The following SLC35D1 variants were observed in gnomAD, a reference collection of about 807,000 sequenced individuals.
SLC35D1 encodes solute carrier family 35 member D1.
In SLC35D1, 31 loss-of-function variants were observed where a neutral mutation model predicts 46.7. The observed-to-expected ratio is 0.66, with a 90% CI of 0.50 to 0.90. SLC35D1 has a LOEUF of 0.90. Ranked by LOEUF, SLC35D1 falls within the 40% of genes least tolerant of loss-of-function variation. SLC35D1 has a pLI of 0.00. For missense variants in SLC35D1, 397 were observed against 426.2 expected, an observed-to-expected ratio of 0.93 and a Z score of 0.60; for synonymous variants, 195 against 164.6, an observed-to-expected ratio of 1.18 and a Z score of -1.41.
intron 7 of SLC35D1, among the ~76,000 whole-genome samples, chr1:67,043,207 C>A (rs1184156233): frequency 4.4e-5 from 6 of 137,226 alleles, no homozygotes; most frequent in Non-Finnish European, 8.1e-5. Flanking sequence ...AAAAAAAAAA[C>A]AAAAAAACCT....
intron 8 of SLC35D1, among the ~76,000 whole-genome samples, chr1:67,023,646 C>T (rs1025262903): frequency 1.3e-5 from 2 of 151,820 alleles, no homozygotes; most frequent in East Asian, 1.9e-4. Context: ...CCACCACACC[C>T]GGCTAATTTT....
At chr1:67,043,261 G>A (rs551320213) in intron 7 of SLC35D1, among the ~76,000 whole-genome samples, 1 of 152,258 alleles carries the variant, frequency 6.6e-6, no homozygotes, top group South Asian at 2.1e-4. Flanking sequence ...AGCTACTGGG[G>A]AGGCTGATGT....
In SLC35D1 at chr1:67,004,386, G is replaced by T. The variant is rs1667403423; in HGVS notation, c.1022C>A (p.Ser341Ter). 2 of 1,613,932 alleles carry T rather than the reference G, an allele frequency of 1.2e-6. No homozygotes were observed. The highest frequency in any genetic ancestry group is 1.7e-6 in the Non-Finnish European group (2 of 1,179,976). Reference protein sequence around the residue: ...TFTEEQLSKQSEANNKLDIKG... With the variant: ...TFTEEQLSKQ ...AATGTCCAGCTTGTTATTAGCCTCT[G>T]ACTGTTTGCTCAGCTGCTCTTCAGT... Residue 341 changes from serine to a stop codon, truncating the protein, a stop_gained, in exon 12 of 12, where the codon TCA becomes TAA. Transcript: ENST00000235345. LOFTEE classifies it high-confidence loss of function.
intron 8 of SLC35D1, among the ~76,000 whole-genome samples, chr1:67,026,809 G>C (rs1481391423): frequency 2.0e-5 from 3 of 152,126 alleles, no homozygotes; most frequent in Non-Finnish European, 4.4e-5. Context: ...GGCTGGGGAG[G>C]CCTCAGGAAA....
chr1:67,047,930 A>G (rs1011706282), intron 6 of SLC35D1, among the ~76,000 whole-genome samples: 8 of 152,180 alleles, frequency 5.3e-5, no homozygotes, highest in Admixed American at 4.6e-4. Context: ...GTGAAGTATA[A>G]CTTGGGGGTT....
At chr1:66,984,536 C>T in the SLC35D1 span, 1 of 1,476,232 alleles carries the variant, frequency 6.8e-7, no homozygotes, top group Non-Finnish European at 9.1e-7. Context: ...TAACTTTTTT[C>T]TAATTGTGGT....
At chr1:66,974,283 G>A in the SLC35D1 span, among the ~76,000 whole-genome samples, 1 of 151,920 alleles carries the variant, frequency 6.6e-6, no homozygotes, top group Non-Finnish European at 1.5e-5. Context: ...CCCTAATGTT[G>A]TGTTCATATC....
intron 6 of SLC35D1, among the ~76,000 whole-genome samples, chr1:67,048,293 C>T (rs924938952): frequency 1.3e-5 from 2 of 152,184 alleles, no homozygotes; most frequent in African/African-American, 4.8e-5. Flanking sequence ...AGACAGTAAT[C>T]CTTTTCAGAA....
intron 11 of SLC35D1, among the ~76,000 whole-genome samples, chr1:67,004,735 T>C (rs1667413052): frequency 6.6e-6 from 1 of 152,174 alleles, no homozygotes; most frequent in African/African-American, 2.4e-5. Context: ...AGTATGTATA[T>C]CAATATGCAC....
chr1:67,049,069 C>G (rs940846610), intron 6 of SLC35D1, among the ~76,000 whole-genome samples: 1 of 152,056 alleles, frequency 6.6e-6, no homozygotes, highest in Admixed American at 6.5e-5. Flanking sequence ...CCAAGGCAGG[C>G]GGATCACGAG....
chr1:66,984,689 C>T, the SLC35D1 span: 15 of 1,613,824 alleles, frequency 9.3e-6, no homozygotes, highest in Admixed American at 2.5e-4. Context: ...GATATGGATA[C>T]TAATGGTTAT....
intron 8 of SLC35D1, among the ~76,000 whole-genome samples, chr1:67,023,730 C>T (rs1304257376): frequency 6.6e-6 from 1 of 151,862 alleles, no homozygotes; most frequent in Non-Finnish European, 1.5e-5. Context: ...AAGTGATCCG[C>T]CCGCCCTAGC....
chr1:67,004,524 C>T, intron 11 of SLC35D1, 76 bp from the exon 12 acceptor site: 1 of 1,277,288 alleles, frequency 7.8e-7, no homozygotes, highest in South Asian at 1.2e-5. Flanking sequence ...AGTAAAAAAA[C>T]TTACACCAAA....
chr1:66,986,158 A>C, the SLC35D1 span: 28 of 1,191,934 alleles, frequency 2.3e-5, no homozygotes, highest in South Asian at 6.9e-4. Flanking sequence ...AAACTTTTCA[A>C]ACTTTTCTAG....
intron 10 of SLC35D1, among the ~76,000 whole-genome samples, chr1:67,010,816 C>T (rs1667551244): frequency 6.6e-6 from 1 of 152,180 alleles, no homozygotes; most frequent in African/African-American, 2.4e-5. Flanking sequence ...ATTTCTTTAA[C>T]ATACAGTAAT....
At position 67,021,607 on chromosome 1, in the gene SLC35D1, A is replaced by C. The variant is rs1667800161; in HGVS notation, c.730-5T>G. Reference sequence around the variant, plus strand: ...CCAGCCTTCAAACTCCACAGCCTGCAACACACAAGAAAGCATTAAATTTTA... The same window carrying C: ...CCAGCCTTCAAACTCCACAGCCTGCCACACACAAGAAAGCATTAAATTTTA... On this transcript the variant is annotated splice_polypyrimidine_tract_variant and splice_region_variant and intron_variant, in intron 8 of 11. Coordinates refer to ENST00000235345, the MANE Select transcript of SLC35D1 (RefSeq NM_015139.3). 1 of 1,613,800 alleles carries C rather than the reference A, an allele frequency of 6.2e-7. No homozygotes were observed. Among genetic ancestry groups the C allele is most frequent in the African/African-American group, 1.3e-5 (1 of 74,906 alleles).
Position 67,025,495 on chromosome 1 carries a change from A to T in SLC35D1, c.730-3893T>A, listed in dbSNP as rs1667898115. ...TACTGAAGCTTTATAAGAAGTGTTG[A>T]AATCAAGTAGGGTAAATCCTCTAAA... On this transcript the variant is annotated intron_variant, in intron 8 of 11. Transcript: ENST00000235345. Among the ~76,000 whole-genome samples the T allele has an allele frequency of 2.0e-5, 3 of 152,214 alleles. No homozygotes were observed. In the South Asian group the frequency reaches 6.2e-4, roughly 31 times the overall value.
intron 8 of SLC35D1, among the ~76,000 whole-genome samples, chr1:67,040,031 G>A (rs1160753513): frequency 7.0e-6 from 1 of 142,278 alleles, no homozygotes; most frequent in Non-Finnish European, 1.5e-5. Context: ...GTCTTGCTTT[G>A]TCACCCAGGC....
At chr1:66,997,537 T>TATATATAA (rs1247400741), downstream of SLC35D1, among the ~76,000 whole-genome samples, 3 of 133,320 alleles carry the variant, frequency 2.3e-5, no homozygotes, top group East Asian at 4.5e-4. Flanking sequence ...TATATATATA[T>TATATATAA]AACCCCTTTA....
Sources: allele counts gnomAD v4.1 joint callset (sites outside exome capture counted in the v4.1 genomes callset), GRCh38; gene constraint gnomAD v4.1.1; transcripts MANE v1.5; gene names NCBI Gene and HGNC (gene_info 2026-07-23, HGNC 2026-07-21).